GUCY1A2: variants seen among roughly 807,000 people sequenced by gnomAD.
The protein encoded by GUCY1A2 is guanylate cyclase 1 soluble subunit alpha 2.
Under a neutral mutation model 63.5 loss-of-function variants are expected in GUCY1A2, and 27 were observed. The ratio of observed to expected loss-of-function variants is 0.43; its 90% CI spans 0.31 to 0.59. The LOEUF is 0.59. Ranked by LOEUF, GUCY1A2 falls within the 20% of genes least tolerant of loss-of-function variation. The pLI, the probability that GUCY1A2 is intolerant of heterozygous loss-of-function variation, is 0.11. For missense variants in GUCY1A2, 768 were observed against 913.3 expected, an observed-to-expected ratio of 0.84 and a Z score of 2.05; for synonymous variants, 364 against 343.5, an observed-to-expected ratio of 1.06 and a Z score of -0.66.
chr11:106,797,840 C>T (rs1333810473), intron 5 of GUCY1A2, among the ~76,000 whole-genome samples: 3 of 152,194 alleles, frequency 2.0e-5, no homozygotes, highest in South Asian at 4.1e-4. Flanking sequence ...TGACACCCTA[C>T]ATCACAATGA....
intron 4 of GUCY1A2, among the ~76,000 whole-genome samples, chr11:106,899,399 G>A (rs897964322): frequency 2.6e-5 from 4 of 152,174 alleles, no homozygotes; most frequent in Non-Finnish European, 4.4e-5. Flanking sequence ...GCCTGCATAT[G>A]AAATATTTAG....
chr11:106,933,123 A>C (rs1017667787), intron 4 of GUCY1A2, among the ~76,000 whole-genome samples: 3 of 152,184 alleles, frequency 2.0e-5, no homozygotes, highest in African/African-American at 7.2e-5. Flanking sequence ...GTGGGACCTA[A>C]TTAAACTAAA....
intron 1 of GUCY1A2, among the ~76,000 whole-genome samples, chr11:106,991,001 T>C (rs1375332750): frequency 6.6e-6 from 1 of 152,170 alleles, no homozygotes; most frequent in Non-Finnish European, 1.5e-5. Context: ...TATTATTTTA[T>C]TTTTTTGAGA....
chr11:106,881,139 C>T (rs957487895), intron 4 of GUCY1A2, among the ~76,000 whole-genome samples: 4 of 152,080 alleles, frequency 2.6e-5, no homozygotes, highest in Non-Finnish European at 5.9e-5. Flanking sequence ...AGACAGTGAA[C>T]AACTAATACT....
intron 4 of GUCY1A2, among the ~76,000 whole-genome samples, chr11:106,897,040 C>T (rs1196470527): frequency 6.6e-6 from 1 of 152,146 alleles, no homozygotes; most frequent in Non-Finnish European, 1.5e-5. Flanking sequence ...AATCCCATTA[C>T]TTTTCTGTAT....
chr11:106,831,343 C>A (rs1014621738), intron 4 of GUCY1A2, among the ~76,000 whole-genome samples: 2 of 152,104 alleles, frequency 1.3e-5, no homozygotes, highest in African/African-American at 4.8e-5. Context: ...TAGAGTTCAA[C>A]TGAAGAAACA....
chr11:106,840,766 G>T (rs1859185195), intron 4 of GUCY1A2, among the ~76,000 whole-genome samples: 1 of 151,854 alleles, frequency 6.6e-6, no homozygotes. Flanking sequence ...TTTAAAAGAT[G>T]TTATTACTTT....
At chr11:106,727,704 CTT>C (rs949753364) in intron 6 of GUCY1A2, among the ~76,000 whole-genome samples, 6 of 152,166 alleles carry the variant, frequency 3.9e-5, no homozygotes, top group African/African-American at 1.4e-4. Context: ...AGAAACTAGA[CTT>C]TGTACACTAA....
At chr11:106,831,520 C>T (rs1201169591) in intron 4 of GUCY1A2, among the ~76,000 whole-genome samples, 4 of 152,238 alleles carry the variant, frequency 2.6e-5, no homozygotes, top group Non-Finnish European at 2.9e-5. Context: ...GAAAGCAAAA[C>T]GTTATTGGTC....
chr11:106,927,108 T>A (rs2119927760), intron 4 of GUCY1A2, among the ~76,000 whole-genome samples: 1 of 151,976 alleles, frequency 6.6e-6, no homozygotes, highest in African/African-American at 2.4e-5. Flanking sequence ...GTGCAGTGGC[T>A]CACACCTGTA....
chr11:106,791,853 A>G (rs1490540323), intron 5 of GUCY1A2, among the ~76,000 whole-genome samples: 1 of 152,066 alleles, frequency 6.6e-6, no homozygotes, highest in Non-Finnish European at 1.5e-5. Flanking sequence ...ATCTTATACT[A>G]AACTCATTTA....
chr11:106,954,889 CTG>C (rs1860961665), intron 3 of GUCY1A2, among the ~76,000 whole-genome samples: 1 of 152,026 alleles, frequency 6.6e-6, no homozygotes, highest in African/African-American at 2.4e-5. Context: ...TATTTTGAGG[CTG>C]TGTGTGTCTT....
intron 6 of GUCY1A2, among the ~76,000 whole-genome samples, chr11:106,729,537 AC>A (rs1863463433): frequency 6.6e-6 from 1 of 152,146 alleles, no homozygotes; most frequent in Non-Finnish European, 1.5e-5. Context: ...ATTAGAAGAT[AC>A]AGCCATTTTG....
chr11:107,015,607 G>A (rs1300744632), intron 1 of GUCY1A2, among the ~76,000 whole-genome samples: 2 of 113,152 alleles, frequency 1.8e-5, no homozygotes, highest in African/African-American at 3.4e-5. Flanking sequence ...AACCTCCAAG[G>A]TTATATCAAC....
At chr11:106,821,507 G>A (rs1461384455) in intron 4 of GUCY1A2, among the ~76,000 whole-genome samples, 2 of 152,114 alleles carry the variant, frequency 1.3e-5, no homozygotes, top group Admixed American at 1.3e-4. Context: ...CACATCCCAT[G>A]GGAGATGTGG....
At chr11:106,838,906 T>C (rs1374870860) in intron 4 of GUCY1A2, among the ~76,000 whole-genome samples, 1 of 151,964 alleles carries the variant, frequency 6.6e-6, no homozygotes, top group Non-Finnish European at 1.5e-5. Flanking sequence ...ATTGCAAAAA[T>C]TTTCTCCCAT....
At chr11:106,784,737 A>G (rs1387712524) in intron 5 of GUCY1A2, among the ~76,000 whole-genome samples, 1 of 152,190 alleles carries the variant, frequency 6.6e-6, no homozygotes, top group Non-Finnish European at 1.5e-5. Flanking sequence ...TCTGCATTAT[A>G]GGATCTTATT....
At chr11:106,918,388 T>C (rs938406250) in intron 4 of GUCY1A2, among the ~76,000 whole-genome samples, 2 of 145,826 alleles carry the variant, frequency 1.4e-5, no homozygotes, top group South Asian at 2.4e-4. Context: ...GCAAATATTT[T>C]ACCCAACACA....
chr11:106,736,868 T>C (rs1453611325), intron 6 of GUCY1A2, among the ~76,000 whole-genome samples: 2 of 152,150 alleles, frequency 1.3e-5, no homozygotes, highest in African/African-American at 2.4e-5. Flanking sequence ...ACGTGACACT[T>C]ACAGTGATCA....
Sources: gnomAD v4.1 joint callset for allele counts (sites outside exome capture counted in the v4.1 genomes callset) on GRCh38, gnomAD v4.1.1 for gene constraint, MANE v1.5 for transcripts, NCBI Gene and HGNC (gene_info 2026-07-23, HGNC 2026-07-21) for gene names.